The following HSF1 variants were observed in gnomAD, a reference collection of about 807,000 sequenced individuals.
The protein encoded by HSF1 is heat shock transcription factor 1.
In HSF1, 32 loss-of-function variants were observed where a neutral mutation model predicts 51.7. The ratio of observed to expected loss-of-function variants is 0.62; its 90% confidence interval spans 0.47 to 0.83. HSF1 has a LOEUF of 0.83. Among genes scored for constraint, HSF1 ranks in the 40% least tolerant of loss-of-function variants. The pLI is 0.00. For synonymous variants in HSF1, 396 were observed against 309.7 expected, an observed-to-expected ratio of 1.28 and a Z score of -2.92; for missense variants, 727 against 717.0, an observed-to-expected ratio of 1.01 and a Z score of -0.16.
chr8:144,292,331 T>C (rs1453881818), intron 1 of HSF1, among the ~76,000 whole-genome samples: 2 of 152,168 alleles, frequency 1.3e-5, no homozygotes, highest in East Asian at 1.9e-4. Context: ...GGCGTTGCTG[T>C]AGTGGAACAG....
At chr8:144,301,538 GT>G in intron 1 of HSF1, among the ~76,000 whole-genome samples, 1 of 152,144 alleles carries the variant, frequency 6.6e-6, no homozygotes, top group Admixed American at 6.5e-5. Context: ...TATAATCAAA[GT>G]GCTGGAACAG....
intron 1 of HSF1, among the ~76,000 whole-genome samples, chr8:144,298,498 G>T (rs1057314299): frequency 1.3e-5 from 2 of 151,556 alleles, no homozygotes; most frequent in Non-Finnish European, 2.9e-5. Context: ...CCAGCTACTC[G>T]GGAGGCTGAG....
At position 144,305,462 on chromosome 8, in the gene HSF1, A is replaced by C. The variant is rs554840168; in HGVS notation, c.118-3444A>C. Among the ~76,000 whole-genome samples the C allele has an allele frequency of 4.6e-5, 7 of 151,312 alleles. No individual in the cohort carries two copies. In the South Asian group the frequency reaches 1.5e-3, roughly 32 times the overall value. On this transcript the variant is annotated intron_variant, in intron 1 of 12. Transcript: ENST00000528838. ...TTACAGGCACATGCCACCATGCCCA[A>C]CTAATTTTTTTTGTATTTTTAGTAG... is the stretch of plus-strand genomic sequence containing the variant.
At chr8:144,309,158 G>A (rs539245100) in intron 2 of HSF1, 144 bp downstream of exon 2, 10 of 719,700 alleles carry the variant, frequency 1.4e-5, no homozygotes, top group African/African-American at 3.5e-5. Flanking sequence ...CCTGGGGGCC[G>A]GGGAGCAGCC....
chr8:144,312,660 C>T, intron 9 of HSF1: 1 of 1,535,448 alleles, frequency 6.5e-7, no homozygotes, highest in Non-Finnish European at 8.7e-7. Context: ...TCTAGGGTCG[C>T]CCGCCTCTTC....
At chr8:144,310,985 T>G in intron 4 of HSF1, 189 bp from the exon 5 acceptor site, 1 of 610,686 alleles carries the variant, frequency 1.6e-6, no homozygotes, top group Non-Finnish European at 2.9e-6. Flanking sequence ...GGAGGGGCAG[T>G]GGGACCAGCA....
intron 1 of HSF1, among the ~76,000 whole-genome samples, chr8:144,307,363 G>A (rs782762092): frequency 1.1e-4 from 16 of 152,212 alleles, no homozygotes; most frequent in South Asian, 2.1e-4. Context: ...ACCCCGCAGC[G>A]GCTGCCAGGA....
At chr8:144,293,926 A>C (rs1359831769) in intron 1 of HSF1, among the ~76,000 whole-genome samples, 1 of 151,218 alleles carries the variant, frequency 6.6e-6, no homozygotes, top group Admixed American at 6.6e-5. Flanking sequence ...GGCCCAGTGT[A>C]CCCTTTTTTG....
chr8:144,293,688 T>G (rs1815265486), intron 1 of HSF1: 1 of 151,932 alleles, frequency 6.6e-6, no homozygotes, highest in East Asian at 1.9e-4. Flanking sequence ...TCCACCCGCC[T>G]TGGCCTCCCA....
At position 144,301,049 on chromosome 8, in the gene HSF1, C is replaced by T. The variant is rs571114688; in HGVS notation, c.118-7857C>T. Among the ~76,000 whole-genome samples the T allele has an allele frequency of 9.2e-5, 14 of 152,230 alleles. No individual in the cohort carries two copies. The South Asian group carries it at 1.5e-3, about 16-fold the overall frequency. On this transcript the variant is annotated intron_variant, in intron 1 of 12. Transcript: ENST00000528838. Reference sequence around the variant, plus strand: ...AGAAAAAGGACTGCAAAAACTTAGCCGAGCTTCAAGGACATAATATCATGT... The same window carrying T: ...AGAAAAAGGACTGCAAAAACTTAGCTGAGCTTCAAGGACATAATATCATGT...
rs1815093261 is a variant in HSF1 at position 144,291,643 on chromosome 8, G to T, written c.-115G>T. The T allele has an allele frequency of 3.5e-6, 2 of 567,346 alleles. No homozygotes were observed. The highest frequency in any genetic ancestry group is 5.6e-6 in the Non-Finnish European group (2 of 358,582). 35.1% of individuals were successfully genotyped at this position (567,346 alleles called of 1,614,324 possible). On this transcript the variant is annotated 5_prime_UTR_variant, in exon 1 of 13. Coordinates refer to ENST00000528838, the MANE Select transcript of HSF1 (RefSeq NM_005526.4). The surrounding 1 kb of genome is among the most constrained non-coding windows in gnomAD (Gnocchi z 4.1). ...GGCGGCCATGCTGGGCCCCGGGGCT[G>T]TGTGTGCGCAGCGGGCGGCGGCGCG...
intron 9 of HSF1, chr8:144,312,483 G>A: frequency 1.0e-5 from 8 of 778,090 alleles, no homozygotes; most frequent in South Asian, 9.8e-5. Context: ...TCAGCCACCC[G>A]TCCTGCTGCC....
At position 144,309,382 on chromosome 8, in the gene HSF1, G is replaced by A. The variant is rs375751900; in HGVS notation, c.227-73G>A. On this transcript the variant is annotated intron_variant, in intron 2 of 12. Transcript: ENST00000528838. ...TGGCCAAGCCCCGCAGCAGCCTCCT[G>A]GAGCAGTGGCCGCTCTTCAGGGGTT... 3.3e-5 allele frequency: 52 copies of A among 1,589,672 alleles called. No individual in the cohort carries two copies. In the African/African-American group the frequency reaches 6.3e-4, roughly 19 times the overall value.
chr8:144,314,115 AC>A lies in HSF1; in HGVS notation c.1385-5del. 4.4e-6 allele frequency: 2 copies of A among 451,956 alleles called. No homozygotes were observed. Among genetic ancestry groups the A allele is most frequent in the Non-Finnish European group, 2.8e-6 (1 of 362,232 alleles). The allele number at this position is 451,956 out of a possible 1,614,324, so 28.0% of individuals were successfully genotyped here. A position where few individuals can be genotyped will look rare whatever the true frequency, so the allele number is the denominator to read the frequency against. ...AACCCCCCACCGCCTTGACACCCCC[AC>A]CCCCGCAGGGAAGCAGCTGGTGCAC... is the stretch of plus-strand genomic sequence containing the variant. On this transcript the variant is annotated splice_polypyrimidine_tract_variant and intron_variant, in intron 12 of 12. Transcript: ENST00000528838.
chr8:144,312,163 A>G lies in HSF1; in HGVS notation c.1061A>G (p.His354Arg). ...ACAGCCCTCACGGACGCCAGGGGCC[A>G]CACGGACACCGAGGGCCGGCCTCCC... ...SVTALTDARG[H>R]TDTEGRPPSP... Residue 354 changes from histidine (H) to arginine (R), a missense_variant, in exon 9 of 13, where the codon CAC becomes CGC. Coordinates refer to ENST00000528838, the MANE Select transcript of HSF1 (RefSeq NM_005526.4). The G allele has an allele frequency of 6.2e-7, 1 of 1,609,760 alleles. No homozygotes were observed. The highest frequency in any genetic ancestry group is 8.5e-7 in the Non-Finnish European group (1 of 1,178,308).
chr8:144,310,767 C>G (rs113463782), intron 4 of HSF1: 1 of 250,450 alleles, frequency 4.0e-6, no homozygotes, highest in East Asian at 1.0e-4. Context: ...ACCTACAGGA[C>G]ATGGGACAGC....
Position 144,311,341 on chromosome 8 carries a change from A to G in HSF1, c.585A>G (p.Ser195=). ...CACAGCTCATTCAGTTCCTGATCTC[A>G]CTGGTGCAGTCAAACCGGATCCTGG... ...VVNKLIQFLI[S]LVQSNRILGV... The change falls in exon 6 of 13, where the codon TCA becomes TCG. Residue 195 remains serine (S), a synonymous_variant. Coordinates refer to ENST00000528838, the MANE Select transcript of HSF1 (RefSeq NM_005526.4). 6.2e-7 allele frequency: 1 copy of G among 1,609,378 alleles called. No individual in the cohort carries two copies. Among genetic ancestry groups the G allele is most frequent in the South Asian group, 1.1e-5 (1 of 90,968 alleles).
Position 144,314,071 on chromosome 8 carries a change from C to G in HSF1, c.1384+17C>G, listed in dbSNP as rs565589852. 5 of 1,604,786 alleles carry G rather than the reference C, an allele frequency of 3.1e-6. No homozygotes were observed. The highest frequency in any genetic ancestry group is 2.0e-4 in the Middle Eastern group (1 of 5,106). On this transcript the variant is annotated intron_variant, in intron 12 of 12. Coordinates refer to ENST00000528838, the MANE Select transcript of HSF1 (RefSeq NM_005526.4). The stretch of plus-strand genomic sequence containing the variant: ...CGGATTCAGGTGAGCCAAGTCCCAC[C>G]GGCCCCACCTCTGCCCCCAACCCCC...
chr8:144,307,722 G>A (rs986958005), intron 1 of HSF1, among the ~76,000 whole-genome samples: 1 of 152,168 alleles, frequency 6.6e-6, no homozygotes, highest in Non-Finnish European at 1.5e-5. Context: ...GCTTGAACTG[G>A]GATGCAGAGG....
Sources: allele counts gnomAD v4.1 joint callset (sites outside exome capture counted in the v4.1 genomes callset), GRCh38; gene constraint gnomAD v4.1.1; non-coding constraint Gnocchi (gnomAD v3.1); transcripts MANE v1.5; gene names NCBI Gene and HGNC (gene_info 2026-07-23, HGNC 2026-07-21).